The following HLCS variants were observed in gnomAD, a reference collection of about 807,000 sequenced individuals.
HLCS encodes the protein holocarboxylase synthetase, also known as biotin--protein ligase.
Under a neutral mutation model 75.0 loss-of-function variants are expected in HLCS, and 53 were observed. The ratio of observed to expected loss-of-function variants is 0.71; its 90% CI spans 0.57 to 0.89. HLCS has a LOEUF of 0.89. Ranked by LOEUF, HLCS falls within the 40% of genes least tolerant of loss-of-function variation. The pLI is 0.00. For synonymous variants in HLCS, 431 were observed against 428.6 expected (o/e 1.01, Z -0.07); for missense variants, 966 against 1,074.0 (o/e 0.90, Z 1.41).
intron 6 of HLCS, among the ~76,000 whole-genome samples, chr21:36,820,519 A>G (rs2835469): frequency 0.35 from 53,444 of 152,180 alleles, 10,173 homozygotes; most frequent in African/African-American, 0.48. Flanking sequence ...GGCCAAGCCC[A>G]GGCACTGTCA....
intron 6 of HLCS, among the ~76,000 whole-genome samples, chr21:36,850,578 C>T (rs533825840): frequency 9.9e-5 from 15 of 152,266 alleles, no homozygotes; most frequent in Admixed American, 5.9e-4. Context: ...GGACCACACA[C>T]GCATGCCTGT....
At chr21:36,858,184 T>A (rs1001772511) in intron 6 of HLCS, among the ~76,000 whole-genome samples, 1 of 152,216 alleles carries the variant, frequency 6.6e-6, no homozygotes, top group East Asian at 1.9e-4. Context: ...GCCCTTAAAC[T>A]TAAGAAATCT....
At chr21:36,989,086 G>A (rs1011206165) in intron 1 of HLCS, among the ~76,000 whole-genome samples, 1 of 150,874 alleles carries the variant, frequency 6.6e-6, no homozygotes, top group Admixed American at 6.6e-5. Context: ...ACCCAGGCTG[G>A]AGTGCAGAGC....
At chr21:36,908,944 T>C (rs561467107) in intron 5 of HLCS, among the ~76,000 whole-genome samples, 245 of 152,164 alleles carry the variant, frequency 1.6e-3, no homozygotes, top group African/African-American at 5.7e-3. Flanking sequence ...CCTGTAATCC[T>C]AGCACTTTGG....
chr21:36,939,145 T>C (rs746092105), intron 2 of HLCS, among the ~76,000 whole-genome samples, 151 bp from the exon 3 acceptor site: 3 of 152,254 alleles, frequency 2.0e-5, no homozygotes, highest in Non-Finnish European at 4.4e-5. Context: ...ATTTTACTAA[T>C]ATCAGAGTTG....
chr21:36,764,001 G>A (rs2089945012), intron 8 of HLCS, among the ~76,000 whole-genome samples: 1 of 152,212 alleles, frequency 6.6e-6, no homozygotes, highest in African/African-American at 2.4e-5. Context: ...AGTAGGAAAT[G>A]AGAAAGGTTT....
intron 5 of HLCS, among the ~76,000 whole-genome samples, chr21:36,901,858 G>C (rs1158618072): frequency 6.6e-6 from 1 of 152,156 alleles, no homozygotes; most frequent in Non-Finnish European, 1.5e-5. Context: ...ATATCTTTTT[G>C]GGGGACACAA....
intron 6 of HLCS, among the ~76,000 whole-genome samples, chr21:36,896,282 C>T (rs188280997): frequency 2.6e-5 from 4 of 152,284 alleles, no homozygotes; most frequent in African/African-American, 4.8e-5. Flanking sequence ...CTCAGAAGGT[C>T]GAGGCTGCAG....
Position 36,774,279 on chromosome 21 carries a change from G to A in HLCS, c.1893-6994C>T, listed in dbSNP as rs921102914. On this transcript the variant is annotated intron_variant, in intron 6 of 10. Transcript: ENST00000674895. Reference sequence around the variant, plus strand: ...GGGATATTATTCCTGGCAGCTACAGGAAGGTTCCCAAGGAACTTTAGAAAC... The same window carrying A: ...GGGATATTATTCCTGGCAGCTACAGAAAGGTTCCCAAGGAACTTTAGAAAC... 3.3e-5 allele frequency among the ~76,000 whole-genome samples: 5 copies of A among 152,184 alleles called. No homozygotes were observed. The East Asian group carries it at 9.6e-4, about 29-fold the overall frequency.
chr21:36,754,924 G>T (rs541014372), intron 10 of HLCS, among the ~76,000 whole-genome samples: 10 of 152,284 alleles, frequency 6.6e-5, no homozygotes, highest in Middle Eastern at 3.4e-3. Context: ...TCGAAGTATA[G>T]AATTTTCTCA....
intron 1 of HLCS, among the ~76,000 whole-genome samples, chr21:36,987,733 T>C (rs1330382915): frequency 6.6e-6 from 1 of 152,230 alleles, no homozygotes; most frequent in African/African-American, 2.4e-5. Flanking sequence ...TTCATGGAGC[T>C]CTTCTTTGCC....
rs188544598 is a variant in HLCS at position 36,937,681 on chromosome 21, A to G, written c.494-289T>C. Among the ~76,000 whole-genome samples, 323 of 152,358 alleles carry G rather than the reference A, an allele frequency of 2.1e-3. 2 individuals are homozygous for G. Among genetic ancestry groups the G allele is most frequent in the Non-Finnish European group, 3.5e-3 (239 of 68,036 alleles). On this transcript the variant is annotated intron_variant, in intron 3 of 10. Transcript: ENST00000674895. The stretch of plus-strand genomic sequence containing the variant: ...CGGAATGGTGAAGAAAGTGAGATTC[A>G]GAGAGGTGCCTTTGCCTCCTTACTT...
rs764487201 is a variant in HLCS at position 36,759,755 on chromosome 21, G to A, written c.2208C>T (p.Leu736=). Residue 736 remains leucine, a synonymous_variant, in exon 9 of 11, where the codon CTC becomes CTT. Transcript: ENST00000674895. ...KIGGVLVNST[L]MGETFYILIG... is the part of the protein sequence containing the mutation. ...TAAGTATATAAAATGTTTCTCCCATGAGTGTTGAGTTAACCAGAACTCCGC... is the reference window on the plus strand; with the variant it reads ...TAAGTATATAAAATGTTTCTCCCATAAGTGTTGAGTTAACCAGAACTCCGC... 7 of 1,607,812 alleles carry A rather than the reference G, an allele frequency of 4.4e-6. No individual in the cohort carries two copies. Among genetic ancestry groups the A allele is most frequent in the African/African-American group, 2.7e-5 (2 of 74,782 alleles).
Position 36,966,528 on chromosome 21 carries a change from G to T in HLCS, c.111C>A (p.Thr37=). ...RRLRASRCSF[T]FCGAAAQPPG... is the part of the protein sequence containing the mutation. ...GGGGCTGCGCGGCCGCGCCGCAGAA[G>T]GTGAAGGAACAGCGCGAGGCACGCA... Residue 37 remains threonine (T), a synonymous_variant, in exon 1 of 11, where the codon ACC becomes ACA. Coordinates refer to ENST00000674895, the MANE Select transcript of HLCS (RefSeq NM_001352514.2). 5.0e-6 allele frequency: 5 copies of T among 994,846 alleles called. No individual in the cohort carries two copies. Among genetic ancestry groups the T allele is most frequent in the Non-Finnish European group, 4.8e-6 (4 of 838,240 alleles). 61.6% of individuals were successfully genotyped at this position (994,846 alleles called of 1,614,324 possible).
At position 36,787,857 on chromosome 21, in the gene HLCS, T is replaced by C. The variant is rs941007498; in HGVS notation, c.1893-20572A>G. On this transcript the variant is annotated intron_variant, in intron 6 of 10. Transcript: ENST00000674895. The stretch of plus-strand genomic sequence containing the variant: ...AGACACTGGCTGCTGTTATTTACTG[T>C]TCCCTGGCTGATAAAATAGCCAGGT... 8.3e-4 allele frequency among the ~76,000 whole-genome samples: 127 copies of C among 152,102 alleles called. 1 individual carries two copies. Among genetic ancestry groups the C allele is most frequent in the African/African-American group, 3.0e-3 (125 of 41,436 alleles).
At chr21:36,772,798 C>T (rs1222229215) in intron 6 of HLCS, among the ~76,000 whole-genome samples, 1 of 152,076 alleles carries the variant, frequency 6.6e-6, no homozygotes, top group Non-Finnish European at 1.5e-5. Context: ...TCCTGGCCAA[C>T]AGAGTGAAAC....
intron 2 of HLCS, among the ~76,000 whole-genome samples, chr21:36,950,740 T>C (rs769922365): frequency 6.6e-6 from 1 of 152,142 alleles, no homozygotes; most frequent in Non-Finnish European, 1.5e-5. Flanking sequence ...ACACAAACTA[T>C]GCCACTTGAC....
At chr21:36,938,711 C>T in intron 3 of HLCS, 121 bp downstream of exon 3, 1 of 979,110 alleles carries the variant, frequency 1.0e-6, no homozygotes, top group Admixed American at 1.7e-5. Context: ...CTATGCTGCT[C>T]AGGCTGGTCT....
chr21:36,945,332 C>A (rs1330824307), intron 2 of HLCS, among the ~76,000 whole-genome samples: 1 of 151,770 alleles, frequency 6.6e-6, no homozygotes, highest in African/African-American at 2.4e-5. Context: ...AAAAAATATG[C>A]CCACATATAA....
Sources: allele counts gnomAD v4.1 joint callset (sites outside exome capture counted in the v4.1 genomes callset), GRCh38; gene constraint gnomAD v4.1.1; transcripts MANE v1.5; gene names NCBI Gene and HGNC (gene_info 2026-07-23, HGNC 2026-07-21).